Variants in PBX3 observed in about 807,000 individuals in gnomAD.
PBX3 encodes pre-B-cell leukemia transcription factor 3.
PBX3 carries 14 observed loss-of-function variants against 48.5 expected under a neutral mutation model. The ratio of observed to expected loss-of-function variants is 0.29; its 90% CI spans 0.19 to 0.45. The LOEUF (loss-of-function observed/expected upper bound fraction) is 0.45. Among genes scored for constraint, PBX3 ranks in the 20% least tolerant of loss-of-function variants. The pLI, the probability that PBX3 is intolerant of heterozygous loss-of-function variation, is 1.00. For missense variants in PBX3, 386 were observed against 546.7 expected, an observed-to-expected ratio of 0.71 and a Z score of 2.93; for synonymous variants, 210 against 200.3, an observed-to-expected ratio of 1.05 and a Z score of -0.41.
intron 5 of PBX3, among the ~76,000 whole-genome samples, chr9:125,952,301 C>T (rs950714965): frequency 3.3e-4 from 50 of 152,234 alleles, no homozygotes; most frequent in African/African-American, 1.2e-3. Flanking sequence ...TGCAGATCCT[C>T]TCCCTGACGC....
At chr9:125,781,907 T>C (rs1485271862) in intron 2 of PBX3, among the ~76,000 whole-genome samples, 1 of 152,186 alleles carries the variant, frequency 6.6e-6, no homozygotes, top group East Asian at 1.9e-4. Flanking sequence ...GTATGTCCTA[T>C]ACCTTTTTGT....
In PBX3 at chr9:125,915,013, C is replaced by T. The variant is rs1429885002; in HGVS notation, c.275-673C>T. On this transcript the variant is annotated intron_variant, in intron 2 of 8. Coordinates refer to ENST00000373489, the MANE Select transcript of PBX3 (RefSeq NM_006195.6). ...TGTGCCCAGCACTGTATTGCCATGTCAATGGCACATTTTTAATACTGTATT... is the reference window on the plus strand; with the variant it reads ...TGTGCCCAGCACTGTATTGCCATGTTAATGGCACATTTTTAATACTGTATT... Among the ~76,000 whole-genome samples the T allele has an allele frequency of 3.9e-5, 6 of 152,158 alleles. No homozygotes were observed. In the East Asian group the frequency reaches 1.2e-3, roughly 29 times the overall value.
At chr9:125,908,452 T>TA (rs1468187589) in intron 2 of PBX3, among the ~76,000 whole-genome samples, 1 of 152,024 alleles carries the variant, frequency 6.6e-6, no homozygotes, top group African/African-American at 2.4e-5. Flanking sequence ...GATTGCATGG[T>TA]TTGTGTAAAC....
chr9:125,793,409 G>A (rs1228231840), intron 2 of PBX3, among the ~76,000 whole-genome samples: 1 of 140,894 alleles, frequency 7.1e-6, no homozygotes, highest in African/African-American at 2.8e-5. Flanking sequence ...TTAAGTGGAA[G>A]TGGATCATCA....
chr9:125,868,115 T>C (rs1840033537), intron 2 of PBX3, among the ~76,000 whole-genome samples: 1 of 152,096 alleles, frequency 6.6e-6, no homozygotes, highest in Admixed American at 6.6e-5. Context: ...ACTCAAGTGA[T>C]CTGGTCAACT....
chr9:125,857,633 A>T (rs1277127391), intron 2 of PBX3, among the ~76,000 whole-genome samples: 1 of 152,232 alleles, frequency 6.6e-6, no homozygotes, highest in Non-Finnish European at 1.5e-5. Context: ...TTCCATTAAA[A>T]GCCACTCCTA....
chr9:125,922,703 T>G (rs1841482688), intron 3 of PBX3, among the ~76,000 whole-genome samples: 2 of 152,206 alleles, frequency 1.3e-5, no homozygotes, highest in African/African-American at 4.8e-5. Context: ...ACAACTGCAA[T>G]CATTTGATCA....
At chr9:125,831,944 G>A (rs145568103) in intron 2 of PBX3, among the ~76,000 whole-genome samples, 4 of 152,228 alleles carry the variant, frequency 2.6e-5, no homozygotes, top group Admixed American at 6.5e-5. Flanking sequence ...TTATTGAGGA[G>A]TGATATACAA....
At chr9:125,787,417 C>A (rs1183100593) in intron 2 of PBX3, among the ~76,000 whole-genome samples, 2 of 152,006 alleles carry the variant, frequency 1.3e-5, no homozygotes, top group South Asian at 2.1e-4. Context: ...ATAGTTACTC[C>A]AGATAATGAA....
chr9:125,793,925 T>C (rs1837697739), intron 2 of PBX3, among the ~76,000 whole-genome samples: 1 of 152,198 alleles, frequency 6.6e-6, no homozygotes, highest in African/African-American at 2.4e-5. Context: ...CTTTCCATTA[T>C]GAAGATTTAA....
chr9:125,905,263 C>T (rs1841043909), intron 2 of PBX3, among the ~76,000 whole-genome samples: 1 of 151,926 alleles, frequency 6.6e-6, no homozygotes, highest in African/African-American at 2.4e-5. Flanking sequence ...GTTTATCTGC[C>T]CATTTGTGTG....
chr9:125,919,161 C>T (rs1430673380), intron 3 of PBX3, among the ~76,000 whole-genome samples: 1 of 151,870 alleles, frequency 6.6e-6, no homozygotes, highest in African/African-American at 2.4e-5. Flanking sequence ...TCTGATTTTC[C>T]CATGTTGGAT....
At chr9:125,908,467 G>A (rs1046264420) in intron 2 of PBX3, among the ~76,000 whole-genome samples, 3 of 152,120 alleles carry the variant, frequency 2.0e-5, no homozygotes, top group Admixed American at 2.0e-4. Context: ...GTAAACAAAT[G>A]CTGAAGAGTC....
At chr9:125,747,934 C>G (rs1377925879) in intron 1 of PBX3, among the ~76,000 whole-genome samples, 1 of 151,896 alleles carries the variant, frequency 6.6e-6, no homozygotes, top group East Asian at 1.9e-4. Flanking sequence ...CGGCCCCCTC[C>G]CAGGGATTTA....
In PBX3 at chr9:125,962,216, T is replaced by A; in HGVS notation, c.1122+2T>A. 1 of 1,549,112 alleles carries A rather than the reference T, an allele frequency of 6.5e-7. No homozygotes were observed. On this transcript the variant is annotated splice_donor_variant, in intron 7 of 8. Coordinates refer to ENST00000373489, the MANE Select transcript of PBX3 (RefSeq NM_006195.6). LOFTEE classifies it high-confidence loss of function. The stretch of plus-strand genomic sequence containing the variant: ...GTCGGAGCCAATGTGCAATCACAGG[T>A]AGGAGAAATGCCCCAGTGGGGCCTT...
chr9:125,855,105 T>C (rs1187386038), intron 2 of PBX3, among the ~76,000 whole-genome samples: 2 of 152,230 alleles, frequency 1.3e-5, no homozygotes, highest in African/African-American at 4.8e-5. Context: ...ATTCTGTCTT[T>C]CAATGGTTGA....
chr9:125,869,046 T>G (rs907932033), intron 2 of PBX3, among the ~76,000 whole-genome samples: 1 of 152,192 alleles, frequency 6.6e-6, no homozygotes, highest in African/African-American at 2.4e-5. Flanking sequence ...TCTGAAGATA[T>G]TTGTATCATC....
chr9:125,793,366 A>AATATATATATATATATATATAT (rs1554855765), intron 2 of PBX3, among the ~76,000 whole-genome samples: 20 of 101,930 alleles, frequency 2.0e-4, no homozygotes, highest in African/African-American at 7.6e-4. Context: ...GGAAAAAAAA[A>AATATATATATATATATATATAT]ATATATATAT....
intron 2 of PBX3, among the ~76,000 whole-genome samples, chr9:125,911,703 G>A (rs149342191): frequency 2.0e-4 from 31 of 152,144 alleles, no homozygotes; most frequent in Non-Finnish European, 3.5e-4. Context: ...TTACAGCGAC[G>A]TCGTAGGCCT....
Sources: allele counts gnomAD v4.1 joint callset (sites outside exome capture counted in the v4.1 genomes callset), GRCh38; gene constraint gnomAD v4.1.1; transcripts MANE v1.5; gene names NCBI Gene and HGNC (gene_info 2026-07-23, HGNC 2026-07-21).